The following SDK1 variants were observed in gnomAD, a reference collection of about 807,000 sequenced individuals.
SDK1 encodes the protein sidekick cell adhesion molecule 1, also known as protein sidekick-1.
SDK1 carries 157 observed loss-of-function variants against 245.5 expected under a neutral mutation model. The observed-to-expected ratio is 0.64, with a 90% CI of 0.56 to 0.73. SDK1 has a LOEUF of 0.73. SDK1 is among the 30% of genes least tolerant of loss of function. The pLI is 0.00. For missense variants in SDK1, 3,583 were observed against 3,002.3 expected (o/e 1.19, Z -4.52); for synonymous variants, 1,647 against 1,278.5 (o/e 1.29, Z -6.15).
intron 1 of SDK1, among the ~76,000 whole-genome samples, chr7:3,577,483 A>T (rs1780331757): frequency 6.6e-6 from 1 of 151,872 alleles, no homozygotes; most frequent in South Asian, 2.1e-4. Flanking sequence ...GCCCTACAGG[A>T]TGGCTCTTTT....
rs544614720 is a variant in SDK1, at chr7:4,149,329, C to G, written c.4491C>G (p.Leu1497=). The G allele has an allele frequency of 6.3e-7, 1 of 1,591,794 alleles. No homozygotes were observed. The highest frequency in any genetic ancestry group is 1.4e-5 in the African/African-American group (1 of 74,050). Residue 1497 remains leucine (L), a synonymous_variant, in exon 30 of 45, where the codon CTC becomes CTG. Transcript: ENST00000404826. ...QAEVTARSLR[L]QWVPGSDGAS... is the part of the protein sequence containing the mutation. Reference sequence around the variant, plus strand: ...AAGTGACCGCACGCAGCCTCCGGCTCCAGTGGGTCCCGGGCAGCGACGGGG... The same window carrying G: ...AAGTGACCGCACGCAGCCTCCGGCTGCAGTGGGTCCCGGGCAGCGACGGGG...
At chr7:3,365,146 A>G (rs1781056547) in intron 1 of SDK1, among the ~76,000 whole-genome samples, 1 of 152,202 alleles carries the variant, frequency 6.6e-6, no homozygotes, top group Non-Finnish European at 1.5e-5. Flanking sequence ...AGTGTAATGT[A>G]AAGCCATTGA....
chr7:3,437,762 A>T (rs753905547), intron 1 of SDK1, among the ~76,000 whole-genome samples: 2 of 152,196 alleles, frequency 1.3e-5, no homozygotes, highest in Non-Finnish European at 2.9e-5. Context: ...CAAAAAATTA[A>T]TAATACTAAA....
chr7:4,250,761 G>T (rs1259748585), intron 44 of SDK1, among the ~76,000 whole-genome samples: 1 of 152,166 alleles, frequency 6.6e-6, no homozygotes, highest in Non-Finnish European at 1.5e-5. Context: ...CCCCACTCTA[G>T]TCAGAATCTT....
At chr7:3,728,944 AT>A (rs1374853520) in intron 4 of SDK1, among the ~76,000 whole-genome samples, 1 of 152,062 alleles carries the variant, frequency 6.6e-6, no homozygotes, top group Admixed American at 6.6e-5. Context: ...TAAAAAAAAA[AT>A]CTCTAGAAAA....
At chr7:3,827,373 C>T (rs565956269) in intron 5 of SDK1, among the ~76,000 whole-genome samples, 15 of 151,904 alleles carry the variant, frequency 9.9e-5, no homozygotes, top group East Asian at 7.7e-4. Context: ...TCTTTCCGAA[C>T]GAGATGGAAG....
intron 1 of SDK1, among the ~76,000 whole-genome samples, chr7:3,461,995 C>A (rs1208774194): frequency 6.6e-6 from 1 of 152,164 alleles, no homozygotes; most frequent in African/African-American, 2.4e-5. Context: ...CCACGACCTC[C>A]CCTAACCCTT....
rs898675637 is a variant in SDK1, at chr7:4,268,368, T to G, written c.*2984T>G. 1 of 1,058,668 alleles carries G rather than the reference T, an allele frequency of 9.4e-7. No homozygotes were observed. The highest frequency in any genetic ancestry group is 4.9e-5 in the Admixed American group (1 of 20,368). 65.6% of individuals were successfully genotyped at this position (1,058,668 alleles called of 1,614,324 possible). On this transcript the variant is annotated 3_prime_UTR_variant, in exon 45 of 45. Transcript: ENST00000404826. ...GCCAGGCCACACCCCCTCGGCCTCC[T>G]GCACGGCCACCTTCTGGGTGAATCG...
chr7:3,767,586 G>C (rs931797701), intron 4 of SDK1, among the ~76,000 whole-genome samples: 1 of 151,992 alleles, frequency 6.6e-6, no homozygotes, highest in African/African-American at 2.4e-5. Context: ...TACTTTACAT[G>C]TGCCAGCTCA....
Position 3,341,489 on chromosome 7 carries a change from C to T in SDK1, c.298+39605C>T, listed in dbSNP as rs551184476. Among the ~76,000 whole-genome samples, 54 of 152,182 alleles carry T rather than the reference C, an allele frequency of 3.5e-4. 1 individual carries two copies. In the South Asian group the frequency reaches 0.011, roughly 30 times the overall value. On this transcript the variant is annotated intron_variant, in intron 1 of 44. Transcript: ENST00000404826. ...ACCTTTGCTGTCCAAAACAGTAGTA[C>T]TAAAAGATATCCAGACCAAAAAGGA...
intron 22 of SDK1, among the ~76,000 whole-genome samples, chr7:4,099,063 G>T (rs987777558): frequency 1.3e-5 from 2 of 151,938 alleles, no homozygotes; most frequent in East Asian, 2.0e-4. Flanking sequence ...GCAAATGAGT[G>T]AGCAGGGTCA....
At chr7:3,322,377 TTCA>T (rs1243494974) in intron 1 of SDK1, among the ~76,000 whole-genome samples, 1 of 152,242 alleles carries the variant, frequency 6.6e-6, no homozygotes, top group East Asian at 1.9e-4. Context: ...TGTTTATCCA[TTCA>T]TCTGTTAATG....
intron 1 of SDK1, among the ~76,000 whole-genome samples, chr7:3,566,696 T>C (rs1779930944): frequency 6.7e-6 from 1 of 148,424 alleles, no homozygotes; most frequent in Admixed American, 6.7e-5. Flanking sequence ...GAAATCTTTG[T>C]CTAGAACTGC....
intron 19 of SDK1, among the ~76,000 whole-genome samples, chr7:4,059,328 A>T (rs1312315010): frequency 6.6e-6 from 1 of 152,190 alleles, no homozygotes; most frequent in East Asian, 1.9e-4. Context: ...TTTAAGTAAA[A>T]AACAGTAAAA....
At chr7:3,855,214 T>C (rs1326180632) in intron 5 of SDK1, among the ~76,000 whole-genome samples, 3 of 152,090 alleles carry the variant, frequency 2.0e-5, no homozygotes, top group African/African-American at 7.2e-5. Context: ...ACACAGCAGA[T>C]ATTCTTACCT....
Position 4,072,649 on chromosome 7 carries a change from C to G in SDK1, c.3011-4349C>G, listed in dbSNP as rs972233763. ...TGTGTTCGTGGGCAAACCTGGCTGC[C>G]GGTTTCTGGAAGTGTTGGTGCGGCA... On this transcript the variant is annotated intron_variant, in intron 20 of 44. Coordinates refer to ENST00000404826, the MANE Select transcript of SDK1 (RefSeq NM_152744.4). 6.6e-5 allele frequency among the ~76,000 whole-genome samples: 10 copies of G among 152,326 alleles called. No individual in the cohort carries two copies. In the East Asian group the frequency reaches 1.9e-3, roughly 29 times the overall value.
At chr7:3,373,760 T>C (rs534229230) in intron 1 of SDK1, among the ~76,000 whole-genome samples, 2 of 152,210 alleles carry the variant, frequency 1.3e-5, no homozygotes, top group East Asian at 3.9e-4. Context: ...AACAGACAAA[T>C]GGTTAGAAGC....
chr7:3,490,992 A>C (rs76594953), intron 1 of SDK1, among the ~76,000 whole-genome samples: 2,746 of 152,330 alleles, frequency 0.018, 91 homozygotes, highest in African/African-American at 0.062. Flanking sequence ...TACCGTCAAC[A>C]GACTGATCAC....
At chr7:3,995,177 A>T (rs1212446739) in intron 14 of SDK1, among the ~76,000 whole-genome samples, 2 of 152,156 alleles carry the variant, frequency 1.3e-5, no homozygotes, top group African/African-American at 4.8e-5. Flanking sequence ...TTCAGCAACA[A>T]GGCATTCCTC....
Sources: gnomAD v4.1 joint callset for allele counts (sites outside exome capture counted in the v4.1 genomes callset) on GRCh38, gnomAD v4.1.1 for gene constraint, MANE v1.5 for transcripts, NCBI Gene and HGNC (gene_info 2026-07-23, HGNC 2026-07-21) for gene names.